The following EPHA4 variants were observed in gnomAD, a reference collection of about 807,000 sequenced individuals.
EPHA4 encodes the protein ephrin type-A receptor 4.
EPHA4 carries 19 observed loss-of-function variants against 108.3 expected under a neutral mutation model. That is an observed-to-expected ratio of 0.18 (90% CI 0.12 to 0.26). EPHA4 has a LOEUF of 0.26. Among genes scored for constraint, EPHA4 ranks in the 10% least tolerant of loss-of-function variants. The pLI is 1.00. For synonymous variants in EPHA4, 449 were observed against 455.5 expected, an observed-to-expected ratio of 0.99 and a Z score of 0.18; for missense variants, 917 against 1,254.0, an observed-to-expected ratio of 0.73 and a Z score of 4.06.
chr2:221,477,242 A>G (rs1691682016), intron 5 of EPHA4, among the ~76,000 whole-genome samples: 1 of 152,158 alleles, frequency 6.6e-6, no homozygotes, highest in Non-Finnish European at 1.5e-5. Flanking sequence ...TCATGCTTTC[A>G]GCATGGGGCA....
chr2:221,442,296 G>A (rs1404719191), intron 11 of EPHA4, among the ~76,000 whole-genome samples: 4 of 152,180 alleles, frequency 2.6e-5, no homozygotes. Flanking sequence ...TAGGCTCAGC[G>A]AATGCTAATG....
At chr2:221,538,773 G>A (rs572685247) in intron 3 of EPHA4, among the ~76,000 whole-genome samples, 6 of 152,110 alleles carry the variant, frequency 3.9e-5, no homozygotes, top group Admixed American at 1.3e-4. Context: ...TGATGTATTC[G>A]GTGAGTATGC....
intron 3 of EPHA4, among the ~76,000 whole-genome samples, chr2:221,535,357 C>A (rs1047596579): frequency 3.3e-5 from 5 of 152,188 alleles, no homozygotes; most frequent in African/African-American, 1.2e-4. Flanking sequence ...TTTGCAACCA[C>A]TAGGGTTCAT....
chr2:221,524,443 G>C (rs2106177239), intron 3 of EPHA4, among the ~76,000 whole-genome samples: 1 of 152,284 alleles, frequency 6.6e-6, no homozygotes, highest in Middle Eastern at 3.4e-3. Flanking sequence ...ATGAGAATGA[G>C]GATGTAGGCA....
At chr2:221,572,472 C>T, upstream of EPHA4, 3 of 330,234 alleles carry the variant, frequency 9.1e-6, no homozygotes, top group Non-Finnish European at 1.6e-5. Flanking sequence ...CCGGGCTCCA[C>T]GGGGCGCGCG....
intron 3 of EPHA4, among the ~76,000 whole-genome samples, chr2:221,520,663 G>A (rs1693138822): frequency 6.6e-6 from 1 of 152,038 alleles, no homozygotes; most frequent in Non-Finnish European, 1.5e-5. Flanking sequence ...TTTAAACTGA[G>A]TAGCCAAGTG....
At chr2:221,501,265 G>A (rs767085266) in intron 3 of EPHA4, 93 bp from the exon 4 acceptor site, 7 of 1,154,274 alleles carry the variant, frequency 6.1e-6, no homozygotes, top group Non-Finnish European at 8.3e-6. Context: ...CAGAAGAAGG[G>A]AGACGTTCTT....
At chr2:221,474,374 G>A (rs1361976473) in intron 5 of EPHA4, among the ~76,000 whole-genome samples, 1 of 149,038 alleles carries the variant, frequency 6.7e-6, no homozygotes, top group African/African-American at 2.5e-5. Flanking sequence ...CAGTATTCTG[G>A]AAATGAAATT....
chr2:221,560,090 C>T (rs1053628979), intron 3 of EPHA4, among the ~76,000 whole-genome samples: 1 of 152,142 alleles, frequency 6.6e-6, no homozygotes, highest in African/African-American at 2.4e-5. Context: ...AGTCAAACAA[C>T]AGCACACCCC....
intron 5 of EPHA4, among the ~76,000 whole-genome samples, chr2:221,471,329 G>A (rs552177617): frequency 6.6e-6 from 1 of 152,078 alleles, no homozygotes; most frequent in Non-Finnish European, 1.5e-5. Context: ...TTGCTGAAGT[G>A]TGAAATTCAG....
At chr2:221,499,754 A>T (rs1483909999) in intron 4 of EPHA4, among the ~76,000 whole-genome samples, 5,794 of 34,268 alleles carry the variant, frequency 0.17, 718 homozygotes, top group Non-Finnish European at 0.2. Context: ...ATATATATAT[A>T]TATTTTTTTT....
intron 3 of EPHA4, among the ~76,000 whole-genome samples, chr2:221,512,514 T>G (rs1574624655): frequency 6.6e-6 from 1 of 152,202 alleles, no homozygotes; most frequent in Non-Finnish European, 1.5e-5. Context: ...AGCTTTTTGA[T>G]GAGTTGCTAT....
chr2:221,455,208 T>C (rs528202676), intron 8 of EPHA4, among the ~76,000 whole-genome samples: 3 of 152,340 alleles, frequency 2.0e-5, no homozygotes, highest in Admixed American at 6.5e-5. Flanking sequence ...CCAAGTTTTA[T>C]AGGGCTTTTT....
chr2:221,428,250 A>T (rs1348642441), intron 15 of EPHA4, among the ~76,000 whole-genome samples: 1 of 152,206 alleles, frequency 6.6e-6, no homozygotes, highest in Admixed American at 6.5e-5. Context: ...TCTTCACTCG[A>T]TGTCAATTAA....
intron 3 of EPHA4, among the ~76,000 whole-genome samples, chr2:221,559,114 A>T (rs576010097): frequency 6.6e-6 from 1 of 152,262 alleles, no homozygotes; most frequent in South Asian, 2.1e-4. Flanking sequence ...GAACATTTCT[A>T]TCTTGTTCTT....
Position 221,457,858 on chromosome 2 carries a change from A to C in EPHA4, c.1443+8T>G. On this transcript the variant is annotated splice_region_variant and intron_variant, in intron 6 of 17. Coordinates refer to ENST00000281821, the MANE Select transcript of EPHA4 (RefSeq NM_004438.5). ...AAAGGAAAGGAGTGTTGTTCACTCA[A>C]GTAATACCTTCTCATAATACTTGAC... 6.2e-7 allele frequency: 1 copy of C among 1,613,072 alleles called. No homozygotes were observed. The highest frequency in any genetic ancestry group is 1.1e-5 in the South Asian group (1 of 90,928).
intron 3 of EPHA4, among the ~76,000 whole-genome samples, chr2:221,547,438 A>G (rs566608337): frequency 2.8e-4 from 43 of 152,266 alleles, no homozygotes; most frequent in African/African-American, 9.9e-4. Flanking sequence ...TAACTTCCCA[A>G]TTACTTAAGT....
chr2:221,443,093 G>C, intron 10 of EPHA4, 79 bp from the exon 11 acceptor site: 1 of 1,441,104 alleles, frequency 6.9e-7, no homozygotes, highest in Non-Finnish European at 9.6e-7. Context: ...TTCCTTGAGT[G>C]CTTGTTACAC....
At chr2:221,497,551 C>T (rs763051948) in intron 4 of EPHA4, among the ~76,000 whole-genome samples, 6 of 152,058 alleles carry the variant, frequency 3.9e-5, no homozygotes, top group African/African-American at 7.2e-5. Flanking sequence ...CCAGTCTGGC[C>T]GATAGGGTGA....
Sources: allele counts gnomAD v4.1 joint callset (sites outside exome capture counted in the v4.1 genomes callset), GRCh38; gene constraint gnomAD v4.1.1; transcripts MANE v1.5; gene names NCBI Gene and HGNC (gene_info 2026-07-23, HGNC 2026-07-21).